Variants in NYAP1 observed in about 807,000 individuals in gnomAD.
NYAP1 encodes the protein neuronal tyrosine-phosphorylated phosphoinositide-3-kinase adapter 1.
In NYAP1, 20 loss-of-function variants were observed where a neutral mutation model predicts 58.6. The ratio of observed to expected loss-of-function variants is 0.34; its 90% CI spans 0.24 to 0.50. The LOEUF is 0.50. NYAP1 is among the 20% of genes least tolerant of loss of function. NYAP1 has a pLI of 0.98. For synonymous variants in NYAP1, 572 were observed against 523.1 expected (o/e 1.09, Z -1.27); for missense variants, 1,150 against 1,194.5 (o/e 0.96, Z 0.55).
At chr7:100,484,261 T>G (rs1799675612) in intron 1 of NYAP1, among the ~76,000 whole-genome samples, 1 of 146,886 alleles carries the variant, frequency 6.8e-6, no homozygotes, top group Non-Finnish European at 1.5e-5. Context: ...AAAAGAAGAG[T>G]GTGGGTTTGG....
Position 100,485,557 on chromosome 7 carries a change from G to T in NYAP1, c.68+178G>T, listed in dbSNP as rs868674219. ...CCTGGCCCAACTCCTGCTCTCCTGTGGGGGGGTTTACAGCCTAGGAGCACC... is the reference window on the plus strand; with the variant it reads ...CCTGGCCCAACTCCTGCTCTCCTGTTGGGGGGTTTACAGCCTAGGAGCACC... On this transcript the variant is annotated intron_variant, in intron 2 of 6. Coordinates refer to ENST00000300179, the MANE Select transcript of NYAP1 (RefSeq NM_173564.4). The surrounding 1 kb of genome is among the most constrained non-coding windows in gnomAD (Gnocchi z 5.7). Among the ~76,000 whole-genome samples, 6 of 152,080 alleles carry T rather than the reference G, an allele frequency of 3.9e-5. No individual in the cohort carries two copies. The highest frequency in any genetic ancestry group is 1.3e-4 in the Admixed American group (2 of 15,272).
chr7:100,484,700 G>A (rs1225213647), intron 1 of NYAP1, among the ~76,000 whole-genome samples: 2 of 152,214 alleles, frequency 1.3e-5, no homozygotes, highest in East Asian at 1.9e-4. Flanking sequence ...TGCAATGTAC[G>A]CAAGTAGGCC....
rs566147250 is a variant in NYAP1 at position 100,487,637 on chromosome 7, G to A, written c.430+455G>A. Among the ~76,000 whole-genome samples the A allele has an allele frequency of 5.9e-5, 9 of 152,216 alleles. No individual in the cohort carries two copies. The highest frequency in any genetic ancestry group is 1.3e-4 in the Non-Finnish European group (9 of 68,036). ...CTGCCTCAGCCTCCCAGGTAGCTGG[G>A]ATTACAGGCGTCCGTCACCACGCCC... On this transcript the variant is annotated intron_variant, in intron 3 of 6. Coordinates refer to ENST00000300179, the MANE Select transcript of NYAP1 (RefSeq NM_173564.4). The surrounding 1 kb of genome is among the most constrained non-coding windows in gnomAD (Gnocchi z 4.1).
intron 4 of NYAP1, 62 bp downstream of exon 4, chr7:100,489,728 C>A: frequency 9.6e-7 from 1 of 1,038,080 alleles, no homozygotes; most frequent in South Asian, 2.2e-5. Flanking sequence ...GGGATGCCTG[C>A]GATGGTTTGG....
chr7:100,490,652 A>T lies in NYAP1; in HGVS notation c.2081A>T (p.His694Leu), dbSNP rs1799783022. The T allele has an allele frequency of 1.3e-6, 2 of 1,566,276 alleles. No individual in the cohort carries two copies. The highest frequency in any genetic ancestry group is 4.7e-5 in the East Asian group (2 of 42,980). Residue 694 changes from histidine (H) to leucine (L), a missense_variant, in exon 5 of 7, where the codon CAC becomes CTC. Coordinates refer to ENST00000300179, the MANE Select transcript of NYAP1 (RefSeq NM_173564.4). The surrounding 1 kb of genome is among the most constrained non-coding windows in gnomAD (Gnocchi z 4.6). ...GCAGAGGGACTGCTGGCCAGGATCC[A>T]CCATGGAGACCGAGGAGGGAGCCGC... Reference protein sequence around the residue: ...QGAEGLLARIHHGDRGGSRTA... With the variant: ...QGAEGLLARILHGDRGGSRTA...
rs762354128 is a variant in NYAP1, at chr7:100,488,972, G to A, written c.1251G>A (p.Gln417=). ...STPLPPQGSG[Q]PRGERELPNS... is the part of the protein sequence containing the mutation. Reference sequence around the variant, plus strand: ...CGTTGCCACCCCAGGGCTCTGGCCAGCCCCGGGGGGAGCGGGAGCTCCCCA... The same window carrying A: ...CGTTGCCACCCCAGGGCTCTGGCCAACCCCGGGGGGAGCGGGAGCTCCCCA... The change falls in exon 4 of 7, where the codon CAG becomes CAA. Residue 417 remains glutamine (Q), a synonymous_variant. Coordinates refer to ENST00000300179, the MANE Select transcript of NYAP1 (RefSeq NM_173564.4). This position sits in a 1 kb window ranked among gnomAD's most constrained non-coding sequence, Gnocchi z 5.9. 7.8e-5 allele frequency: 123 copies of A among 1,576,002 alleles called. No individual in the cohort carries two copies. The highest frequency in any genetic ancestry group is 1.0e-4 in the Non-Finnish European group (119 of 1,168,496).
Position 100,485,183 on chromosome 7 carries a change from T to A in NYAP1, c.-84-45T>A. On this transcript the variant is annotated intron_variant, in intron 1 of 6. Coordinates refer to ENST00000300179, the MANE Select transcript of NYAP1 (RefSeq NM_173564.4). This position sits in a 1 kb window ranked among gnomAD's most constrained non-coding sequence, Gnocchi z 5.7. ...TTCATTCATCCCTGGCCCCCACCCA[T>A]CCCACCTTTCTTTTTTTTCCGTTCT... 9 of 591,336 alleles carry A rather than the reference T, an allele frequency of 1.5e-5. No individual in the cohort carries two copies. The highest frequency in any genetic ancestry group is 6.0e-5 in the East Asian group (2 of 33,602). 36.6% of individuals were successfully genotyped at this position (591,336 alleles called of 1,614,324 possible).
In NYAP1 at chr7:100,490,534, C is replaced by T. The variant is rs372379858; in HGVS notation, c.1963C>T (p.Arg655Trp). The T allele has an allele frequency of 4.5e-5, 71 of 1,585,950 alleles. No individual in the cohort carries two copies. The highest frequency in any genetic ancestry group is 1.2e-4 in the South Asian group (10 of 86,684). ...CCCAGCAGAGGTCGAGGACGGTGCCCGGGCCTGGAATGGCAGTGCCGAGGG... is the reference window on the plus strand; with the variant it reads ...CCCAGCAGAGGTCGAGGACGGTGCCTGGGCCTGGAATGGCAGTGCCGAGGG... The part of the protein sequence containing the change: ...KELDKVEDGA[R>W]AWNGSAEGPG... The change falls in exon 5 of 7, where the codon CGG (arginine) becomes TGG (tryptophan). Residue 655 changes from arginine to tryptophan, a missense_variant. Arg to Trp is a moderately radical substitution (Grantham distance 101). Transcript: ENST00000300179. This position sits in a 1 kb window ranked among gnomAD's most constrained non-coding sequence, Gnocchi z 4.6.
At position 100,488,946 on chromosome 7, in the gene NYAP1, C is replaced by T; in HGVS notation, c.1225C>T (p.Pro409Ser). 1.9e-6 allele frequency: 3 copies of T among 1,568,512 alleles called. No homozygotes were observed. The highest frequency in any genetic ancestry group is 2.6e-6 in the Non-Finnish European group (3 of 1,165,264). ...PSGRARSHST[P>S]LPPQGSGQPR... Reference sequence around the variant, plus strand: ...GGGCCGGGCCCGGAGCCACTCGACACCGTTGCCACCCCAGGGCTCTGGCCA... The same window carrying T: ...GGGCCGGGCCCGGAGCCACTCGACATCGTTGCCACCCCAGGGCTCTGGCCA... Residue 409 changes from proline (P) to serine (S), a missense_variant, in exon 4 of 7, where the codon CCG becomes TCG. By Grantham distance (74) the Pro-to-Ser change is moderately conservative (BLOSUM62 -1). Transcript: ENST00000300179. This position sits in a 1 kb window ranked among gnomAD's most constrained non-coding sequence, Gnocchi z 5.9.
At chr7:100,491,154 A>G in intron 6 of NYAP1, 59 bp downstream of exon 6, 1 of 1,138,078 alleles carries the variant, frequency 8.8e-7, no homozygotes, top group Non-Finnish European at 1.3e-6. Context: ...TTGAATATGC[A>G]AAGAAAAGCA....
chr7:100,489,310 G>A lies in NYAP1; in HGVS notation c.1589G>A (p.Cys530Tyr), dbSNP rs1369946517. 1.3e-6 allele frequency: 2 copies of A among 1,598,414 alleles called. No individual in the cohort carries two copies. The highest frequency in any genetic ancestry group is 2.7e-5 in the African/African-American group (2 of 74,476). The change falls in exon 4 of 7, where the codon TGC becomes TAC. Residue 530 changes from cysteine (C) to tyrosine (Y), a missense_variant. Cys to Tyr is a radical substitution (Grantham distance 194, BLOSUM62 -2). Coordinates refer to ENST00000300179, the MANE Select transcript of NYAP1 (RefSeq NM_173564.4). The part of the protein sequence containing the change: ...AAAGVLHHRG[C>Y]LASPHSLPDP... ...GCTGGGGTCCTCCACCACCGCGGCTGCCTGGCCTCCCCCCACAGCCTTCCG... is the reference window on the plus strand; with the variant it reads ...GCTGGGGTCCTCCACCACCGCGGCTACCTGGCCTCCCCCCACAGCCTTCCG...
At position 100,490,189 on chromosome 7, in the gene NYAP1, G is replaced by A. The variant is rs1328229158; in HGVS notation, c.1946-328G>A. Among the ~76,000 whole-genome samples the A allele has an allele frequency of 6.6e-6, 1 of 152,168 alleles. No homozygotes were observed. Among genetic ancestry groups the A allele is most frequent in the Non-Finnish European group, 1.5e-5 (1 of 68,020 alleles). On this transcript the variant is annotated intron_variant, in intron 4 of 6. Coordinates refer to ENST00000300179, the MANE Select transcript of NYAP1 (RefSeq NM_173564.4). The surrounding 1 kb of genome is among the most constrained non-coding windows in gnomAD (Gnocchi z 4.6). The stretch of plus-strand genomic sequence containing the variant: ...CCCCTACAGGTCTTGATCCCAGGGG[G>A]ATGGTCATTCTCGCCCTATCTGGAG...
rs531510237 is a variant in NYAP1 at position 100,485,679 on chromosome 7, T to C, written c.68+300T>C. On this transcript the variant is annotated intron_variant, in intron 2 of 6. Transcript: ENST00000300179. This position sits in a 1 kb window ranked among gnomAD's most constrained non-coding sequence, Gnocchi z 5.7. ...TCCTTTCTGCAAATTTGGGGCTGGCTGCGGGCTCTCCTGTCACCTGACCTT... is the reference window on the plus strand; with the variant it reads ...TCCTTTCTGCAAATTTGGGGCTGGCCGCGGGCTCTCCTGTCACCTGACCTT... Among the ~76,000 whole-genome samples the C allele has an allele frequency of 7.7e-4, 118 of 152,314 alleles. No homozygotes were observed. The highest frequency in any genetic ancestry group is 2.8e-3 in the African/African-American group (115 of 41,570).
rs1157174936 is a variant in NYAP1 at position 100,493,835 on chromosome 7, G to C, written c.2458G>C (p.Glu820Gln). 6.4e-7 allele frequency: 1 copy of C among 1,570,696 alleles called. No individual in the cohort carries two copies. The highest frequency in any genetic ancestry group is 2.4e-5 in the East Asian group (1 of 41,938). The change falls in exon 7 of 7, where the codon GAG becomes CAG. Residue 820 changes from glutamate to glutamine, a missense_variant. Coordinates refer to ENST00000300179, the MANE Select transcript of NYAP1 (RefSeq NM_173564.4). ...PILPSWRRGPEPRKSGTPPCR... is the reference protein window; with the variant it reads ...PILPSWRRGPQPRKSGTPPCR... ...CCTCCCCAGCTGGCGGCGGGGACCCGAGCCCCGCAAGTCCGGCACCCCGCC... is the reference window on the plus strand; with the variant it reads ...CCTCCCCAGCTGGCGGCGGGGACCCCAGCCCCGCAAGTCCGGCACCCCGCC...
chr7:100,488,843 A>G lies in NYAP1; in HGVS notation c.1122A>G (p.Gln374=). ...CAGCCGGCTCCACCCCAGCTCCCCA[A>G]GTGCCTGCACGGGAGCGGGAGACGC... is the stretch of plus-strand genomic sequence containing the variant. ...KEPAGSTPAP[Q]VPARERETPP... Residue 374 remains glutamine, a synonymous_variant, in exon 4 of 7, where the codon CAA becomes CAG. Coordinates refer to ENST00000300179, the MANE Select transcript of NYAP1 (RefSeq NM_173564.4). The surrounding 1 kb of genome is among the most constrained non-coding windows in gnomAD (Gnocchi z 5.9). 3 of 1,593,942 alleles carry G rather than the reference A, an allele frequency of 1.9e-6. No individual in the cohort carries two copies. Among genetic ancestry groups the G allele is most frequent in the Non-Finnish European group, 2.6e-6 (3 of 1,171,804 alleles).
In NYAP1 at chr7:100,490,634, G is replaced by T. The variant is rs1177377404; in HGVS notation, c.2063G>T (p.Gly688Val). 6.4e-7 allele frequency: 1 copy of T among 1,571,184 alleles called. No homozygotes were observed. Among genetic ancestry groups the T allele is most frequent in the Non-Finnish European group, 8.6e-7 (1 of 1,158,586 alleles). Residue 688 changes from glycine (G) to valine (V), a missense_variant, in exon 5 of 7, where the codon GGA (glycine) becomes GTA (valine). Physicochemically the swap from Gly to Val is moderately radical, Grantham distance 109. Transcript: ENST00000300179. This position sits in a 1 kb window ranked among gnomAD's most constrained non-coding sequence, Gnocchi z 4.6. ...CCAGTGAGAAGCCAGGGGGCAGAGG[G>T]ACTGCTGGCCAGGATCCACCATGGA... is the stretch of plus-strand genomic sequence containing the variant. ...GIPVRSQGAE[G>V]LLARIHHGDR...
rs1177815007 is a variant in NYAP1 at position 100,488,395 on chromosome 7, G to C, written c.674G>C (p.Arg225Thr). 1 of 1,597,524 alleles carries C rather than the reference G, an allele frequency of 6.3e-7. No homozygotes were observed. Among genetic ancestry groups the C allele is most frequent in the East Asian group, 2.2e-5 (1 of 44,728 alleles). The change falls in exon 4 of 7, where the codon AGG becomes ACG. Residue 225 changes from arginine (R) to threonine (T), a missense_variant. Coordinates refer to ENST00000300179, the MANE Select transcript of NYAP1 (RefSeq NM_173564.4). The surrounding 1 kb of genome is among the most constrained non-coding windows in gnomAD (Gnocchi z 5.9). ...ATTGAGATGGTGGGGGACGTCTTTAGGGGAGGAGGACGAAGTGGAGGAGGC... is the reference window on the plus strand; with the variant it reads ...ATTGAGATGGTGGGGGACGTCTTTACGGGAGGAGGACGAAGTGGAGGAGGC... Reference protein sequence around the residue: ...VYIEMVGDVFRGGGRSGGGLA... With the variant: ...VYIEMVGDVFTGGGRSGGGLA...
chr7:100,487,317 TG>T lies in NYAP1; in HGVS notation c.430+142del. 6.2e-6 allele frequency: 6 copies of T among 974,464 alleles called. No individual in the cohort carries two copies. The highest frequency in any genetic ancestry group is 2.5e-5 in the South Asian group (1 of 40,288). The allele number at this position is 974,464 out of a possible 1,614,324, so 60.4% of individuals were successfully genotyped here. On this transcript the variant is annotated intron_variant, in intron 3 of 6. Transcript: ENST00000300179. This position sits in a 1 kb window ranked among gnomAD's most constrained non-coding sequence, Gnocchi z 4.1. ...GGAAGATTCCATTCTCAAAAGGAAT[TG>T]GGGGGGTCCTTTTGGATGGGCCTGA...
rs1799726617 is a variant in NYAP1 at position 100,487,695 on chromosome 7, G to A, written c.431-457G>A. On this transcript the variant is annotated intron_variant, in intron 3 of 6. Coordinates refer to ENST00000300179, the MANE Select transcript of NYAP1 (RefSeq NM_173564.4). This position sits in a 1 kb window ranked among gnomAD's most constrained non-coding sequence, Gnocchi z 4.1. ...TTTTTGTATTTTTAGTAGAGACAGG[G>A]TTTCGTCTTGTTGGCCAGGCTGACA... 6.6e-6 allele frequency among the ~76,000 whole-genome samples: 1 copy of A among 152,194 alleles called. No homozygotes were observed. The highest frequency in any genetic ancestry group is 1.5e-5 in the Non-Finnish European group (1 of 68,036).
Sources: allele counts gnomAD v4.1 joint callset (sites outside exome capture counted in the v4.1 genomes callset), GRCh38; gene constraint gnomAD v4.1.1; non-coding constraint Gnocchi (gnomAD v3.1); transcripts MANE v1.5; gene names NCBI Gene and HGNC (gene_info 2026-07-23, HGNC 2026-07-21).